Variants in TENM4 observed in about 807,000 individuals in gnomAD.
The protein encoded by TENM4 is teneurin transmembrane protein 4.
TENM4 carries 82 observed loss-of-function variants against 243.3 expected under a neutral mutation model. The observed-to-expected ratio is 0.34, with a 90% confidence interval of 0.28 to 0.40. The LOEUF (loss-of-function observed/expected upper bound fraction) is 0.40. TENM4 is among the 10% of genes least tolerant of loss of function. TENM4 has a pLI of 1.00. For missense variants in TENM4, 3,138 were observed against 3,673.3 expected, an observed-to-expected ratio of 0.85 and a Z score of 3.77; for synonymous variants, 1,412 against 1,456.3, an observed-to-expected ratio of 0.97 and a Z score of 0.69.
chr11:78,658,783 G>C lies in TENM4; in HGVS notation c.7585C>G (p.Gln2529Glu), dbSNP rs1385047900. The C allele has an allele frequency of 1.2e-6, 2 of 1,613,666 alleles. No individual in the cohort carries two copies. The highest frequency in any genetic ancestry group is 1.7e-6 in the Non-Finnish European group (2 of 1,179,820). The stretch of plus-strand genomic sequence containing the variant: ...TCTAAGGTGACAAAGGCCTTGAGCT[G>C]CTTCTGTACTTCACACTGTACCCCG... Reference protein sequence around the residue: ...ILGVQCEVQKQLKAFVTLERF... With the variant: ...ILGVQCEVQKELKAFVTLERF... The change falls in exon 34 of 34, where the codon CAG becomes GAG. Residue 2529 changes from glutamine to glutamate, a missense_variant. Gln to Glu is a conservative substitution (Grantham distance 29). Coordinates refer to ENST00000278550, the MANE Select transcript of TENM4 (RefSeq NM_001098816.3).
intron 6 of TENM4, among the ~76,000 whole-genome samples, chr11:78,967,515 T>C (rs1477670360): frequency 6.6e-6 from 1 of 152,184 alleles, no homozygotes; most frequent in Admixed American, 6.5e-5. Context: ...ATCTGCTCTT[T>C]AAACATAAGG....
chr11:78,727,258 C>G (rs547963415), intron 22 of TENM4, among the ~76,000 whole-genome samples: 1 of 152,258 alleles, frequency 6.6e-6, no homozygotes, highest in African/African-American at 2.4e-5. Context: ...ACCATCCTGG[C>G]TAACATGGTG....
intron 1 of TENM4, among the ~76,000 whole-genome samples, chr11:79,399,921 A>G (rs964538948): frequency 6.6e-6 from 1 of 152,066 alleles, no homozygotes; most frequent in Admixed American, 6.6e-5. Context: ...CACAACCAAC[A>G]CTCAATAAAT....
intron 6 of TENM4, among the ~76,000 whole-genome samples, chr11:79,056,176 A>G (rs1859938148): frequency 6.6e-6 from 1 of 152,176 alleles, no homozygotes; most frequent in African/African-American, 2.4e-5. Context: ...GTCATCATGC[A>G]TGTTGTTGCC....
At chr11:78,752,614 TG>T (rs1235132591) in intron 19 of TENM4, among the ~76,000 whole-genome samples, 1 of 152,186 alleles carries the variant, frequency 6.6e-6, no homozygotes, top group Non-Finnish European at 1.5e-5. Flanking sequence ...CAGGAGAATA[TG>T]GGGTTTTGTT....
intron 4 of TENM4, among the ~76,000 whole-genome samples, chr11:79,137,362 T>C (rs1862129976): frequency 6.6e-6 from 1 of 152,094 alleles, no homozygotes; most frequent in African/African-American, 2.4e-5. Context: ...ATACAGGAGA[T>C]CCATTAGGGC....
chr11:79,330,435 C>G (rs559998922), intron 1 of TENM4, among the ~76,000 whole-genome samples: 37 of 152,328 alleles, frequency 2.4e-4, no homozygotes, highest in Middle Eastern at 6.8e-3. Flanking sequence ...AGCACACCCA[C>G]TAGGCCCTGG....
chr11:79,364,327 G>T (rs1160499540), intron 1 of TENM4, among the ~76,000 whole-genome samples: 1 of 152,114 alleles, frequency 6.6e-6, no homozygotes, highest in East Asian at 1.9e-4. Flanking sequence ...GGCCTGCCAT[G>T]GATGACAAGG....
At chr11:79,302,003 G>A (rs189139174) in intron 1 of TENM4, among the ~76,000 whole-genome samples, 1 of 152,228 alleles carries the variant, frequency 6.6e-6, no homozygotes, top group Admixed American at 6.5e-5. Flanking sequence ...GTGCGAGAAC[G>A]GACTAATACA....
chr11:79,164,507 C>T (rs942691070), intron 3 of TENM4, among the ~76,000 whole-genome samples: 44 of 118,636 alleles, frequency 3.7e-4, no homozygotes, highest in East Asian at 1.7e-3. Flanking sequence ...TATATATATA[C>T]ACTATACATA....
At chr11:79,061,515 A>G (rs1350516521) in intron 6 of TENM4, among the ~76,000 whole-genome samples, 3 of 152,218 alleles carry the variant, frequency 2.0e-5, no homozygotes, top group East Asian at 3.8e-4. Context: ...CTGTCCCACT[A>G]TCAAAGGCTG....
Position 78,903,377 on chromosome 11 carries a change from C to G in TENM4, c.640G>C (p.Ala214Pro). ...NFTPRSNPSP[A>P]PTDHSLSGEP... is the part of the protein sequence containing the mutation. ...CCGGAGAGCGAGTGGTCCGTGGGGG[C>G]CGGGCTGGGGTTGCTCCTCGGCGTG... Residue 214 changes from alanine (A) to proline (P), a missense_variant, in exon 7 of 34, where the codon GCC (alanine) becomes CCC (proline). Physicochemically the swap from Ala to Pro is conservative, Grantham distance 27 (BLOSUM62 -1). This residue lies in a region of TENM4 where 671 missense variants were observed against 614.1 expected (regional missense o/e 1.09). Coordinates refer to ENST00000278550, the MANE Select transcript of TENM4 (RefSeq NM_001098816.3). 6.6e-7 allele frequency: 1 copy of G among 1,518,652 alleles called. No homozygotes were observed. The highest frequency in any genetic ancestry group is 8.8e-7 in the Non-Finnish European group (1 of 1,132,258). The allele number at this position is 1,518,652 out of a possible 1,614,324, so 94.1% of individuals were successfully genotyped here. A position where few individuals can be genotyped will look rare whatever the true frequency, so the allele number is the denominator to read the frequency against.
In TENM4 at chr11:78,812,230, C is replaced by T. The variant is rs374126261; in HGVS notation, c.1870G>A (p.Asp624Asn). 1.1e-5 allele frequency: 17 copies of T among 1,551,836 alleles called. No individual in the cohort carries two copies. The highest frequency in any genetic ancestry group is 2.4e-5 in the South Asian group (2 of 84,068). Residue 624 changes from aspartate (D) to asparagine (N), a missense_variant, in exon 14 of 34, where the codon GAT (aspartate) becomes AAT (asparagine). Coordinates refer to ENST00000278550, the MANE Select transcript of TENM4 (RefSeq NM_001098816.3). Reference sequence around the variant, plus strand: ...TCGATACACTGGTTGGTGGGCACATCGCACTCAGCGCCTTTCCAGCCACTG... The same window carrying T: ...TCGATACACTGGTTGGTGGGCACATTGCACTCAGCGCCTTTCCAGCCACTG... ...CHSGWKGAECDVPTNQCIDVA... is the reference protein window; with the variant it reads ...CHSGWKGAECNVPTNQCIDVA...
At chr11:78,686,349 A>G (rs1366018724) in intron 29 of TENM4, among the ~76,000 whole-genome samples, 1 of 152,220 alleles carries the variant, frequency 6.6e-6, no homozygotes, top group East Asian at 1.9e-4. Flanking sequence ...CTTGTCATAT[A>G]CATCTCTTCG....
At chr11:79,423,298 C>T (rs1858974796) in intron 1 of TENM4, among the ~76,000 whole-genome samples, 1 of 151,488 alleles carries the variant, frequency 6.6e-6, no homozygotes, top group Non-Finnish European at 1.5e-5. Flanking sequence ...GCAACCCCCA[C>T]CCCCGCCATT....
At chr11:78,914,681 T>C (rs561874078) in intron 6 of TENM4, among the ~76,000 whole-genome samples, 1 of 152,330 alleles carries the variant, frequency 6.6e-6, no homozygotes, top group East Asian at 1.9e-4. Flanking sequence ...CACCAGCTGC[T>C]GTCAGAACCT....
chr11:79,128,799 T>C (rs538126713), intron 4 of TENM4, among the ~76,000 whole-genome samples: 1 of 152,154 alleles, frequency 6.6e-6, no homozygotes, highest in South Asian at 2.1e-4. Flanking sequence ...TTATATATGA[T>C]TCATGGGGTG....
chr11:79,056,728 A>C (rs759075768), intron 6 of TENM4, among the ~76,000 whole-genome samples: 8 of 152,202 alleles, frequency 5.3e-5, no homozygotes, highest in Non-Finnish European at 1.5e-5. Flanking sequence ...GATGATCTGC[A>C]GCAGGATGGA....
rs1253645509 is a variant in TENM4, at chr11:78,873,770, G to A, written c.1085-10638C>T. ...AGGATGTTAAAAGAGCATTTTAAAT[G>A]TGTGTTGAACACAATATTCAATGGT... On this transcript the variant is annotated intron_variant, in intron 9 of 33. Transcript: ENST00000278550. Among the ~76,000 whole-genome samples the A allele has an allele frequency of 3.3e-5, 5 of 152,246 alleles. No individual in the cohort carries two copies. The East Asian group carries it at 9.7e-4, about 29-fold the overall frequency.
Sources: allele counts gnomAD v4.1 joint callset (sites outside exome capture counted in the v4.1 genomes callset), GRCh38; gene constraint gnomAD v4.1.1; regional missense constraint gnomAD v4.1.1; transcripts MANE v1.5; gene names NCBI Gene and HGNC (gene_info 2026-07-23, HGNC 2026-07-21).